The following FRMD5 variants were observed in gnomAD, a reference collection of about 807,000 sequenced individuals.
FRMD5 encodes FERM domain containing 5.
Under a neutral mutation model 69.0 loss-of-function variants are expected in FRMD5, and 20 were observed. The ratio of observed to expected loss-of-function variants is 0.29; its 90% CI spans 0.20 to 0.42. The LOEUF is 0.42. Ranked by LOEUF, FRMD5 falls within the 10% of genes least tolerant of loss-of-function variation. The probability of loss-of-function intolerance (pLI) is 1.00; values close to 1 mark genes in which losing one functional copy is unlikely to be tolerated. For missense variants in FRMD5, 595 were observed against 708.6 expected (o/e 0.84, Z 1.82); for synonymous variants, 271 against 260.1 (o/e 1.04, Z -0.40).
rs967988653 is a variant in FRMD5 at position 43,938,662 on chromosome 15, C to T, written c.103-14353G>A. Among the ~76,000 whole-genome samples, 252 of 152,278 alleles carry T rather than the reference C, an allele frequency of 1.7e-3. 2 individuals are homozygous for T. The highest frequency in any genetic ancestry group is 5.8e-3 in the African/African-American group (241 of 41,548). ...CACTATTGGCCTGCTTCAACCAGAA[C>T]ACCACTCCTGTTGAAAACAGTATAG... On this transcript the variant is annotated intron_variant, in intron 1 of 13. Coordinates refer to ENST00000417257, the MANE Select transcript of FRMD5 (RefSeq NM_032892.5).
intron 1 of FRMD5, among the ~76,000 whole-genome samples, chr15:44,016,455 G>A (rs969614934): frequency 5.3e-5 from 8 of 152,156 alleles, no homozygotes; most frequent in African/African-American, 1.7e-4. Context: ...GGGCGCAGTG[G>A]TTCACAACTG....
At chr15:44,037,002 AATACTTTAAGTTCTGGG>A (rs1306487525) in intron 1 of FRMD5, among the ~76,000 whole-genome samples, 1 of 151,568 alleles carries the variant, frequency 6.6e-6, no homozygotes, top group Non-Finnish European at 1.5e-5. Flanking sequence ...TTTTTTTTTT[AATACTTTAAGTTCTGGG>A]ATACATGTGC....
chr15:44,092,465 A>AG (rs2076486742), intron 1 of FRMD5, among the ~76,000 whole-genome samples: 1 of 152,184 alleles, frequency 6.6e-6, no homozygotes, highest in Non-Finnish European at 1.5e-5. Context: ...GCTAGACTCT[A>AG]AAGAGTCAGA....
intron 1 of FRMD5, among the ~76,000 whole-genome samples, chr15:43,963,853 C>A (rs2090247110): frequency 6.6e-6 from 1 of 151,962 alleles, no homozygotes; most frequent in African/African-American, 2.4e-5. Context: ...GGGAATTGAA[C>A]AATGAGAACA....
chr15:44,193,521 G>T (rs979248028), intron 1 of FRMD5, among the ~76,000 whole-genome samples: 5 of 152,160 alleles, frequency 3.3e-5, no homozygotes, highest in African/African-American at 1.2e-4. Flanking sequence ...ATAATACAGA[G>T]CATCTCTCTA....
At chr15:44,100,782 C>T (rs944250201) in intron 1 of FRMD5, among the ~76,000 whole-genome samples, 9 of 152,234 alleles carry the variant, frequency 5.9e-5, no homozygotes, top group African/African-American at 1.7e-4. Flanking sequence ...GAAAGAAACC[C>T]GGTTTTTCTG....
rs181997686 is a variant in FRMD5 at position 43,907,203 on chromosome 15, G to A, written c.428-1252C>T. Among the ~76,000 whole-genome samples, 42 of 152,306 alleles carry A rather than the reference G, an allele frequency of 2.8e-4. No homozygotes were observed. In the East Asian group the frequency reaches 7.7e-3, roughly 28 times the overall value. On this transcript the variant is annotated intron_variant, in intron 5 of 13. Coordinates refer to ENST00000417257, the MANE Select transcript of FRMD5 (RefSeq NM_032892.5). ...AACCACTTCAGATGTGAAGTCTTGA[G>A]GGAGGAGAAATATTAAGAGGAAAAG...
chr15:44,194,741 C>T (rs1356943888), intron 1 of FRMD5: 4 of 654,892 alleles, frequency 6.1e-6, no homozygotes, highest in South Asian at 4.9e-5. Flanking sequence ...GGAGACTCGC[C>T]CCGCGGCGGC....
At chr15:44,180,389 C>T (rs534728418) in intron 1 of FRMD5, among the ~76,000 whole-genome samples, 4 of 152,086 alleles carry the variant, frequency 2.6e-5, no homozygotes, top group East Asian at 1.9e-4. Flanking sequence ...AAAATGGCAC[C>T]GTGTCATAAT....
intron 13 of FRMD5, chr15:43,876,014 C>T: frequency 7.9e-7 from 1 of 1,262,826 alleles, no homozygotes; most frequent in Non-Finnish European, 1.2e-6. Context: ...CGCCCCCTTG[C>T]CTGGCTTTAT....
At chr15:44,084,363 C>A (rs942616650) in intron 1 of FRMD5, among the ~76,000 whole-genome samples, 2 of 151,992 alleles carry the variant, frequency 1.3e-5, no homozygotes, top group Admixed American at 6.6e-5. Context: ...CCATGGGATG[C>A]CTGAATCACC....
At chr15:44,152,197 A>C (rs2077458271) in intron 1 of FRMD5, among the ~76,000 whole-genome samples, 1 of 152,202 alleles carries the variant, frequency 6.6e-6, no homozygotes, top group South Asian at 2.1e-4. Context: ...TGATAGAGGG[A>C]GACTGTCCCA....
intron 13 of FRMD5, 57 bp downstream of exon 13, chr15:43,883,646 G>T: frequency 8.0e-7 from 1 of 1,253,948 alleles, no homozygotes; most frequent in Non-Finnish European, 1.1e-6. Flanking sequence ...CTCTTTTCAA[G>T]GTCCCAGATC....
chr15:43,924,141 A>G, intron 2 of FRMD5, 64 bp downstream of exon 2: 1 of 1,211,082 alleles, frequency 8.3e-7, no homozygotes, highest in Non-Finnish European at 1.2e-6. Context: ...TATGAATGAC[A>G]GTTCAAGACC....
intron 1 of FRMD5, among the ~76,000 whole-genome samples, chr15:44,013,012 C>G (rs917433446): frequency 2.6e-5 from 4 of 152,068 alleles, no homozygotes; most frequent in Non-Finnish European, 5.9e-5. Flanking sequence ...GTGATCCGCC[C>G]TCCTTGGCCT....
intron 1 of FRMD5, among the ~76,000 whole-genome samples, chr15:44,177,875 A>G (rs2615279): frequency 0.98 from 149,914 of 152,326 alleles, 73,800 homozygotes; most frequent in Non-Finnish European, 1. Context: ...GGAGAGGACT[A>G]ATCACAAAGG....
At chr15:43,876,292 CCA>C in intron 13 of FRMD5, 1 of 1,261,568 alleles carries the variant, frequency 7.9e-7, no homozygotes, top group South Asian at 1.3e-5. Flanking sequence ...GGTTTTTACC[CCA>C]GTTTGAAAGA....
chr15:43,968,220 A>C lies in FRMD5; in HGVS notation c.103-43911T>G, dbSNP rs563180929. Among the ~76,000 whole-genome samples the C allele has an allele frequency of 3.8e-3, 583 of 152,198 alleles. 3 individuals carry two copies. Among genetic ancestry groups the C allele is most frequent in the Admixed American group, 5.5e-3 (84 of 15,282 alleles). On this transcript the variant is annotated intron_variant, in intron 1 of 13. Transcript: ENST00000417257. ...CTCATCTGTACCCCAACCGCCCCCAATTACTTGACGCAAATCCCCCACATC... is the reference window on the plus strand; with the variant it reads ...CTCATCTGTACCCCAACCGCCCCCACTTACTTGACGCAAATCCCCCACATC...
intron 1 of FRMD5, among the ~76,000 whole-genome samples, chr15:44,021,454 A>T (rs1010871146): frequency 1.1e-4 from 17 of 152,162 alleles, no homozygotes; most frequent in African/African-American, 4.1e-4. Context: ...CAACTCAATA[A>T]CCCAAAAGGC....
Sources: allele counts gnomAD v4.1 joint callset (sites outside exome capture counted in the v4.1 genomes callset), GRCh38; gene constraint gnomAD v4.1.1; transcripts MANE v1.5; gene names NCBI Gene and HGNC (gene_info 2026-07-23, HGNC 2026-07-21).